PLEKHG1: variants seen among roughly 807,000 people sequenced by gnomAD.
The protein encoded by PLEKHG1 is pleckstrin homology and RhoGEF domain containing G1.
PLEKHG1 carries 44 observed loss-of-function variants against 100.8 expected under a neutral mutation model. The observed-to-expected ratio is 0.44, with a 90% CI of 0.34 to 0.56. The LOEUF (loss-of-function observed/expected upper bound fraction) is 0.56. PLEKHG1 is among the 20% of genes least tolerant of loss of function. PLEKHG1 has a pLI of 0.01. For missense variants in PLEKHG1, 1,545 were observed against 1,720.9 expected, an observed-to-expected ratio of 0.90 and a Z score of 1.81; for synonymous variants, 640 against 662.5, an observed-to-expected ratio of 0.97 and a Z score of 0.52.
intron 3 of PLEKHG1, among the ~76,000 whole-genome samples, chr6:150,781,094 C>T (rs1010467664): frequency 6.6e-6 from 1 of 150,412 alleles, no homozygotes; most frequent in African/African-American, 2.4e-5. Context: ...AGGCTGGTCT[C>T]GAACTCCTGA....
chr6:150,827,640 T>G, intron 14 of PLEKHG1: 1 of 811,622 alleles, frequency 1.2e-6, no homozygotes, highest in Non-Finnish European at 2.2e-6. Context: ...ACAGCTGGCT[T>G]GAGCAACTGA....
intron 12 of PLEKHG1, 85 bp downstream of exon 13, chr6:150,819,859 C>A: frequency 1.2e-6 from 1 of 825,512 alleles, no homozygotes; most frequent in South Asian, 1.3e-5. Flanking sequence ...AGGGAATGTT[C>A]TGTCTGGTTT....
chr6:150,826,977 T>A (rs1031312414), intron 14 of PLEKHG1, among the ~76,000 whole-genome samples: 1 of 151,600 alleles, frequency 6.6e-6, no homozygotes, highest in Admixed American at 6.6e-5. Flanking sequence ...TCTTTCTTCC[T>A]TCCTTTCCTT....
chr6:150,679,926 A>G (rs1779879195), intron 3 of PLEKHG1, among the ~76,000 whole-genome samples: 1 of 152,152 alleles, frequency 6.6e-6, no homozygotes, highest in Admixed American at 6.6e-5. Flanking sequence ...AGAGACAGTG[A>G]GCTTTGGAGG....
chr6:150,729,148 G>A (rs552894947), intron 1 of PLEKHG1, among the ~76,000 whole-genome samples: 6 of 152,176 alleles, frequency 3.9e-5, no homozygotes, highest in Non-Finnish European at 8.8e-5. Flanking sequence ...CTGCAGTGCA[G>A]TGGCACAATC....
chr6:150,608,189 A>C (rs768132352), intron 1 of PLEKHG1, among the ~76,000 whole-genome samples: 18 of 152,220 alleles, frequency 1.2e-4, no homozygotes, highest in Non-Finnish European at 2.1e-4. Context: ...GCTTCTAAAA[A>C]GCATCCTTAT....
chr6:150,629,302 C>T (rs1004747428), intron 1 of PLEKHG1, among the ~76,000 whole-genome samples: 3 of 152,104 alleles, frequency 2.0e-5, no homozygotes, highest in African/African-American at 7.2e-5. Context: ...TTCTACATTG[C>T]GGCAACATTT....
At chr6:150,654,322 A>G (rs748813663) in intron 3 of PLEKHG1, among the ~76,000 whole-genome samples, 14 of 152,178 alleles carry the variant, frequency 9.2e-5, no homozygotes, top group Non-Finnish European at 1.6e-4. Context: ...AAGATTAGAA[A>G]TGGTATGTTT....
At chr6:150,780,601 A>G (rs779102063) in intron 3 of PLEKHG1, among the ~76,000 whole-genome samples, 12 of 152,058 alleles carry the variant, frequency 7.9e-5, no homozygotes, top group Non-Finnish European at 1.3e-4. Context: ...TATTATTTTC[A>G]CATCACTCTA....
intron 1 of PLEKHG1, among the ~76,000 whole-genome samples, chr6:150,606,256 G>A (rs1776593936): frequency 6.6e-6 from 1 of 152,200 alleles, no homozygotes; most frequent in South Asian, 2.1e-4. Context: ...TTTGGCAGCT[G>A]TCTGCAGAGA....
chr6:150,734,101 G>C lies in PLEKHG1; in HGVS notation c.411+9G>C. On this transcript the variant is annotated intron_variant, in intron 2 of 15. Transcript: ENST00000358517. Reference sequence around the variant, plus strand: ...TAAAAAGCATCGTAGAGGTAAGACCGACTTCGCTTTTAATGTTTGCCATGC... The same window carrying C: ...TAAAAAGCATCGTAGAGGTAAGACCCACTTCGCTTTTAATGTTTGCCATGC... 6.3e-7 allele frequency: 1 copy of C among 1,591,800 alleles called. No homozygotes were observed. The highest frequency in any genetic ancestry group is 1.1e-5 in the South Asian group (1 of 88,642).
At chr6:150,701,907 T>G (rs1422620624) in intron 3 of PLEKHG1, among the ~76,000 whole-genome samples, 1 of 152,280 alleles carries the variant, frequency 6.6e-6, no homozygotes, top group Admixed American at 6.5e-5. Flanking sequence ...GACCAAGCAT[T>G]ATGTCATTTA....
At chr6:150,769,230 T>G (rs1362368044) in intron 3 of PLEKHG1, among the ~76,000 whole-genome samples, 2 of 151,972 alleles carry the variant, frequency 1.3e-5, no homozygotes, top group African/African-American at 4.8e-5. Flanking sequence ...GCTAGAAAAT[T>G]AAAATAGTAA....
intron 3 of PLEKHG1, among the ~76,000 whole-genome samples, chr6:150,676,932 C>G (rs533908171): frequency 2.0e-4 from 31 of 152,154 alleles, no homozygotes; most frequent in Admixed American, 8.5e-4. Flanking sequence ...TCCTTCATAG[C>G]CCAGCCCCAT....
intron 1 of PLEKHG1, among the ~76,000 whole-genome samples, chr6:150,615,314 C>G (rs1777024196): frequency 6.6e-6 from 1 of 152,174 alleles, no homozygotes; most frequent in Non-Finnish European, 1.5e-5. Context: ...GCTCAGTCCC[C>G]CTCCATAGCA....
chr6:150,776,696 T>C (rs13215720), intron 3 of PLEKHG1, among the ~76,000 whole-genome samples: 6 of 146,318 alleles, frequency 4.1e-5, no homozygotes, highest in Admixed American at 2.7e-4. Flanking sequence ...AATCCTGGCG[T>C]ACATGTGCGG....
At chr6:150,832,064 CAGA>C in exon 15 of PLEKHG1, 2 of 1,614,156 alleles carry the variant, frequency 1.2e-6, no homozygotes, top group Admixed American at 1.7e-5. Context: ...GCAGTACAGT[CAGA>C]AGATTAAGAA....
At chr6:150,666,214 C>G (rs1265520048) in intron 3 of PLEKHG1, among the ~76,000 whole-genome samples, 1 of 152,196 alleles carries the variant, frequency 6.6e-6, no homozygotes, top group Non-Finnish European at 1.5e-5. Flanking sequence ...GTCAGATGTT[C>G]CACTTTCTGC....
chr6:150,771,540 C>CTTTTCTT (rs930463851), intron 3 of PLEKHG1, among the ~76,000 whole-genome samples: 1 of 151,674 alleles, frequency 6.6e-6, no homozygotes, highest in Non-Finnish European at 1.5e-5. Context: ...CATCTCTGTT[C>CTTTTCTT]TTTTCTTTTT....
Sources: gnomAD v4.1 joint callset for allele counts (sites outside exome capture counted in the v4.1 genomes callset) on GRCh38, gnomAD v4.1.1 for gene constraint, MANE v1.5 for transcripts, NCBI Gene and HGNC (gene_info 2026-07-23, HGNC 2026-07-21) for gene names.